GLT6D1: variants seen among roughly 807,000 people sequenced by gnomAD.
GLT6D1 encodes glycosyltransferase 6 domain containing 1.
A neutral mutation model predicts 12.3 loss-of-function variants in GLT6D1; 9 were observed. The observed-to-expected ratio is 0.73, with a 90% CI of 0.44 to 1.27. The LOEUF is 1.27. Among genes scored for constraint, GLT6D1 ranks in the 50% most tolerant of loss-of-function variants. The pLI, the probability that GLT6D1 is intolerant of heterozygous loss-of-function variation, is 0.00. For synonymous variants in GLT6D1, 128 were observed against 132.3 expected (o/e 0.97, Z 0.23); for missense variants, 335 against 346.2 (o/e 0.97, Z 0.26).
intron 2 of GLT6D1, among the ~76,000 whole-genome samples, chr9:135,634,844 C>T (rs1387736101): frequency 6.6e-6 from 1 of 152,144 alleles, no homozygotes; most frequent in African/African-American, 2.4e-5. Flanking sequence ...GCCTCTCAGA[C>T]CCCATCATGA....
chr9:135,639,052 T>A (rs1399269040), intron 2 of GLT6D1, 65 bp downstream of exon 2: 2 of 870,352 alleles, frequency 2.3e-6, no homozygotes, highest in Non-Finnish European at 3.6e-6. Context: ...TTAATTAATT[T>A]AATTAAATTA....
At chr9:135,632,666 ATT>A (rs5901081) in intron 2 of GLT6D1, among the ~76,000 whole-genome samples, 28,038 of 138,302 alleles carry the variant, frequency 0.2, 2,821 homozygotes, top group East Asian at 0.34. Flanking sequence ...CTCGACAGAG[ATT>A]TTTTTTTTTT....
intron 3 of GLT6D1, among the ~76,000 whole-genome samples, chr9:135,629,871 T>C (rs921718724): frequency 3.9e-5 from 6 of 152,208 alleles, no homozygotes; most frequent in African/African-American, 1.4e-4. Context: ...AATTTTTGTC[T>C]TTGTCTATTT....
At chr9:135,634,444 T>TTTA (rs1833721836) in intron 2 of GLT6D1, among the ~76,000 whole-genome samples, 3 of 134,068 alleles carry the variant, frequency 2.2e-5, no homozygotes, top group African/African-American at 9.0e-5. Context: ...TTCCTTTCCT[T>TTTA]TTTTTTTTTT....
At chr9:135,634,434 T>C (rs1833717849) in intron 2 of GLT6D1, among the ~76,000 whole-genome samples, 1 of 126,508 alleles carries the variant, frequency 7.9e-6, no homozygotes, top group Admixed American at 9.0e-5. Flanking sequence ...GGCCTTGTTT[T>C]TCCTTTCCTT....
At chr9:135,634,442 C>CTTTTTTTTTTTTTTTTTTTTTTTTTTT (rs370291630) in intron 2 of GLT6D1, among the ~76,000 whole-genome samples, 3 of 54,862 alleles carry the variant, frequency 5.5e-5, no homozygotes, top group African/African-American at 1.6e-4. Flanking sequence ...TTTTCCTTTC[C>CTTTTTTTTTTTTTTTTTTTTTTTTTTT]TTTTTTTTTT....
Position 135,628,521 on chromosome 9 carries a change from A to G in GLT6D1, c.120-2315T>C, listed in dbSNP as rs1833567587. Among the ~76,000 whole-genome samples the G allele has an allele frequency of 2.6e-5, 4 of 152,086 alleles. 1 individual carries two copies. The South Asian group carries it at 8.3e-4, about 32-fold the overall frequency. ...TATTTTGCTGAAAAGTTCTGCATTT[A>G]TATTCATATGGGATATTGGTCTGTA... On this transcript the variant is annotated intron_variant, in intron 3 of 4. Coordinates refer to ENST00000371763, the MANE Select transcript of GLT6D1 (RefSeq NM_182974.3).
chr9:135,630,257 T>A (rs1453253760), intron 3 of GLT6D1, among the ~76,000 whole-genome samples: 1 of 151,178 alleles, frequency 6.6e-6, no homozygotes, highest in African/African-American at 2.4e-5. Flanking sequence ...TACAAAAAAA[T>A]TAGCCAGGCG....
At chr9:135,638,210 T>C (rs1833819877) in intron 2 of GLT6D1, among the ~76,000 whole-genome samples, 1 of 152,190 alleles carries the variant, frequency 6.6e-6, no homozygotes, top group Admixed American at 6.5e-5. Context: ...TCATGAGACG[T>C]ATTCACTATC....
At chr9:135,639,788 G>A (rs943937381), upstream of GLT6D1, among the ~76,000 whole-genome samples, 4 of 151,746 alleles carry the variant, frequency 2.6e-5, no homozygotes, top group Admixed American at 6.6e-5. Context: ...TAGGGAACAC[G>A]CCACTGCGCT....
Position 135,624,335 on chromosome 9 carries a change from C to A in GLT6D1, c.593G>T (p.Trp198Leu), listed in dbSNP as rs1236233402. The change falls in exon 5 of 5, where the codon TGG becomes TTG. Residue 198 changes from tryptophan (W) to leucine (L), a missense_variant. Physicochemically the swap from Trp to Leu is moderately conservative, Grantham distance 61. Transcript: ENST00000371763. ...GAAGTTCTTGGTGTTTCTGAAATAC[C>A]ACCAGGCGTGGAGCTGGGCCACCAA... ...GPLVAQLHAW[W>L]YFRNTKNFPY... The A allele has an allele frequency of 1.2e-6, 2 of 1,612,012 alleles. No individual in the cohort carries two copies.
rs1325944808 is a variant in GLT6D1, at chr9:135,630,511, G to C, written c.119+920C>G. Among the ~76,000 whole-genome samples, 5 of 151,920 alleles carry C rather than the reference G, an allele frequency of 3.3e-5. No individual in the cohort carries two copies. The South Asian group carries it at 6.2e-4, about 19-fold the overall frequency. On this transcript the variant is annotated intron_variant, in intron 3 of 4. Coordinates refer to ENST00000371763, the MANE Select transcript of GLT6D1 (RefSeq NM_182974.3). The stretch of plus-strand genomic sequence containing the variant: ...GAGGCAGGTGGATCACCTGTGGTCA[G>C]GAGTTCAAGACCAGCCTGGCCAACA...
Position 135,629,068 on chromosome 9 carries a change from T to A in GLT6D1, c.119+2363A>T, listed in dbSNP as rs11103107. The stretch of plus-strand genomic sequence containing the variant: ...TTTCTATTTAATTGATTTGCTCTTC[T>A]TTTTTTCCTGTGCTTGCTTTAGTTT... On this transcript the variant is annotated intron_variant, in intron 3 of 4. Coordinates refer to ENST00000371763, the MANE Select transcript of GLT6D1 (RefSeq NM_182974.3). Among the ~76,000 whole-genome samples the A allele has an allele frequency of 0.014, 2,153 of 150,426 alleles. 117 individuals are homozygous for A. In the East Asian group the frequency reaches 0.18, roughly 12 times the overall value.
chr9:135,632,102 T>C (rs1212388003), intron 2 of GLT6D1, among the ~76,000 whole-genome samples: 1 of 151,430 alleles, frequency 6.6e-6, no homozygotes, highest in Admixed American at 6.6e-5. Context: ...TTAGCAAGCT[T>C]ATTAGGCAAC....
chr9:135,624,578 G>A lies in GLT6D1; in HGVS notation c.350C>T (p.Ala117Val), dbSNP rs1343792432. 1 of 1,613,736 alleles carries A rather than the reference G, an allele frequency of 6.2e-7. No homozygotes were observed. The highest frequency in any genetic ancestry group is 8.5e-7 in the Non-Finnish European group (1 of 1,180,002). ...CTCTATGTCAGGCAGCTTGAAGAAG[G>A]CGTCCACCATGATGTAGAAGATCAC... The part of the protein sequence containing the change: ...YRVIFYIMVD[A>V]FFKLPDIEPS... Residue 117 changes from alanine to valine, a missense_variant, in exon 5 of 5, where the codon GCC (alanine) becomes GTC (valine). Ala to Val is a moderately conservative substitution (Grantham distance 64). Coordinates refer to ENST00000371763, the MANE Select transcript of GLT6D1 (RefSeq NM_182974.3).
Position 135,624,485 on chromosome 9 carries a change from A to T in GLT6D1, c.443T>A (p.Leu148Gln). 2 of 1,609,848 alleles carry T rather than the reference A, an allele frequency of 1.2e-6. No homozygotes were observed. Among genetic ancestry groups the T allele is most frequent in the Non-Finnish European group, 1.7e-6 (2 of 1,177,908 alleles). ...GTERWWLDGP[L>Q]VHVKSLGEHI... is the part of the protein sequence containing the mutation. The stretch of plus-strand genomic sequence containing the variant: ...TTCACCCAGGCTCTTCACATGCACC[A>T]GGGGGCCATCGAGCCACCACCTCTC... The change falls in exon 5 of 5, where the codon CTG becomes CAG. Residue 148 changes from leucine to glutamine, a missense_variant. Leu to Gln is a moderately radical substitution (Grantham distance 113). Transcript: ENST00000371763.
At chr9:135,634,687 G>T (rs1833729798) in intron 2 of GLT6D1, among the ~76,000 whole-genome samples, 1 of 151,310 alleles carries the variant, frequency 6.6e-6, no homozygotes, top group Admixed American at 6.6e-5. Context: ...ACTTTGGTTG[G>T]ATTTTCTTGT....
chr9:135,624,064 T>C lies in GLT6D1; in HGVS notation c.*33A>G. 7.1e-7 allele frequency: 1 copy of C among 1,405,766 alleles called. No individual in the cohort carries two copies. The highest frequency in any genetic ancestry group is 9.9e-7 in the Non-Finnish European group (1 of 1,005,924). The allele number at this position is 1,405,766 out of a possible 1,614,324, so 87.1% of individuals were successfully genotyped here. On this transcript the variant is annotated 3_prime_UTR_variant, in exon 5 of 5. Transcript: ENST00000371763. ...ATTGGATCTGTGGAGGAGGAGAAAA[T>C]GCAAGATCCCAGCTGTATGCTGGTG...
rs1158461483 is a variant in GLT6D1, at chr9:135,624,489, G to A, written c.439C>T (p.Pro147Ser). The change falls in exon 5 of 5, where the codon CCC (proline) becomes TCC (serine). Residue 147 changes from proline to serine, a missense_variant. Coordinates refer to ENST00000371763, the MANE Select transcript of GLT6D1 (RefSeq NM_182974.3). ...CCCAGGCTCTTCACATGCACCAGGG[G>A]GCCATCGAGCCACCACCTCTCGGTG... Reference protein sequence around the residue: ...VGTERWWLDGPLVHVKSLGEH... With the variant: ...VGTERWWLDGSLVHVKSLGEH... 1 of 1,608,232 alleles carries A rather than the reference G, an allele frequency of 6.2e-7. No homozygotes were observed. The highest frequency in any genetic ancestry group is 8.5e-7 in the Non-Finnish European group (1 of 1,177,068).
Sources: allele counts gnomAD v4.1 joint callset (sites outside exome capture counted in the v4.1 genomes callset), GRCh38; gene constraint gnomAD v4.1.1; transcripts MANE v1.5; gene names NCBI Gene and HGNC (gene_info 2026-07-23, HGNC 2026-07-21).